Variants in ARHGAP45 observed in about 807,000 individuals in gnomAD.
The protein encoded by ARHGAP45 is Rho GTPase activating protein 45.
ARHGAP45 carries 56 observed loss-of-function variants against 116.1 expected under a neutral mutation model. The ratio of observed to expected loss-of-function variants is 0.48; its 90% CI spans 0.39 to 0.60. ARHGAP45 has a LOEUF of 0.60. Among genes scored for constraint, ARHGAP45 ranks in the 20% least tolerant of loss-of-function variants. The pLI is 0.00. For synonymous variants in ARHGAP45, 866 were observed against 701.7 expected (o/e 1.23, Z -3.70); for missense variants, 1,622 against 1,601.0 (o/e 1.01, Z -0.22).
At chr19:1,080,621 C>A (rs1318742758) in intron 15 of ARHGAP45, 61 bp from the exon 16 acceptor site, 8 of 1,593,762 alleles carry the variant, frequency 5.0e-6, no homozygotes, top group South Asian at 2.2e-5. Context: ...CATCACCCAC[C>A]GGGGTGATGG....
upstream of ARHGAP45, chr19:1,067,108 G>A (rs1024919660): frequency 9.5e-7 from 1 of 1,054,800 alleles, no homozygotes; most frequent in African/African-American, 1.7e-5. Flanking sequence ...TCCCGAAGGC[G>A]GAAGCGGGGG....
In ARHGAP45 at chr19:1,069,110, C is replaced by T. The variant is rs1157006076; in HGVS notation, c.421+366C>T. ...AGGATGAAGGCATGACAACGCCAGG[C>T]AGAAGGGCAATGGGGAGCCATAGAA... On this transcript the variant is annotated intron_variant, in intron 2 of 22. Coordinates refer to ENST00000313093, the MANE Select transcript of ARHGAP45 (RefSeq NM_012292.5). The surrounding 1 kb of genome is among the most constrained non-coding windows in gnomAD (Gnocchi z 4.1). 6.6e-6 allele frequency among the ~76,000 whole-genome samples: 1 copy of T among 151,892 alleles called. No individual in the cohort carries two copies. Among genetic ancestry groups the T allele is most frequent in the African/African-American group, 2.4e-5 (1 of 41,312 alleles).
At chr19:1,078,423 A>G (rs113607072) in intron 11 of ARHGAP45, among the ~76,000 whole-genome samples, 4,348 of 147,972 alleles carry the variant, frequency 0.029, 194 homozygotes, top group African/African-American at 0.1. Context: ...GATTATAGGC[A>G]TGAGCCACTG....
At chr19:1,083,658 C>T (rs978656969) in intron 21 of ARHGAP45, among the ~76,000 whole-genome samples, 2 of 152,206 alleles carry the variant, frequency 1.3e-5, no homozygotes, top group African/African-American at 2.4e-5. Flanking sequence ...GTGCTGCCTG[C>T]AGCCACAAGC....
At position 1,081,896 on chromosome 19, in the gene ARHGAP45, C is replaced by T. The variant is rs150731059; in HGVS notation, c.2452C>T (p.Leu818=). The T allele has an allele frequency of 1.8e-4, 289 of 1,613,054 alleles. No individual in the cohort carries two copies. The highest frequency in any genetic ancestry group is 2.4e-4 in the Non-Finnish European group (278 of 1,179,908). The change falls in exon 19 of 23, where the codon CTG becomes TTG. Residue 818 remains leucine (L), a synonymous_variant. Transcript: ENST00000313093. ...CCAGGCCTTCGAGAACGGCAAGGAGCTGGTCGAGCTGTCGCAGGCCTCGCC... is the reference window on the plus strand; with the variant it reads ...CCAGGCCTTCGAGAACGGCAAGGAGTTGGTCGAGCTGTCGCAGGCCTCGCC... ...LCQAFENGKE[L]VELSQASPHD... is the part of the protein sequence containing the mutation.
upstream of ARHGAP45, chr19:1,067,093 C>A (rs942154570): frequency 6.3e-6 from 6 of 953,438 alleles, no homozygotes; most frequent in Non-Finnish European, 7.7e-6. Context: ...GGCGCGGCTC[C>A]GAGCTCCCGA....
At position 1,075,028 on chromosome 19, in the gene ARHGAP45, C is replaced by A. The variant is rs918488567; in HGVS notation, c.1185+149C>A. 2.0e-4 allele frequency: 83 copies of A among 407,702 alleles called. 1 individual carries two copies. The African/African-American group carries it at 2.8e-3, about 14-fold the overall frequency. 25.3% of individuals were successfully genotyped at this position (407,702 alleles called of 1,614,324 possible). A position where few individuals can be genotyped will look rare whatever the true frequency, so the allele number is the denominator to read the frequency against. ...ATGCGCGGCCTCGCAGGCTGGGCCG[C>A]CCCCCCCAACGCCAAGCCGGGTCGG... On this transcript the variant is annotated intron_variant, in intron 10 of 22. Transcript: ENST00000313093.
Position 1,086,292 on chromosome 19 carries a change from A to C in ARHGAP45, c.*286A>C, listed in dbSNP as rs2043647655. The C allele has an allele frequency of 5.1e-6, 2 of 390,014 alleles. No homozygotes were observed. 24.2% of individuals were successfully genotyped at this position (390,014 alleles called of 1,614,324 possible). On this transcript the variant is annotated 3_prime_UTR_variant, in exon 23 of 23. Coordinates refer to ENST00000313093, the MANE Select transcript of ARHGAP45 (RefSeq NM_012292.5). ...TCACAGTGGCCTTGTTGGTGCCCACAGGGCTGTGTGGATGGAGGAAGCTGT... is the reference window on the plus strand; with the variant it reads ...TCACAGTGGCCTTGTTGGTGCCCACCGGGCTGTGTGGATGGAGGAAGCTGT...
chr19:1,078,857 C>G (rs1331258983), intron 11 of ARHGAP45, among the ~76,000 whole-genome samples: 1 of 151,860 alleles, frequency 6.6e-6, no homozygotes, highest in Non-Finnish European at 1.5e-5. Context: ...GCTGGGACCA[C>G]AGGCGTGTGC....
In ARHGAP45 at chr19:1,068,389, C is replaced by A; in HGVS notation, c.91-25C>A. 1.3e-6 allele frequency: 2 copies of A among 1,489,050 alleles called. No individual in the cohort carries two copies. Among genetic ancestry groups the A allele is most frequent in the Non-Finnish European group, 1.8e-6 (2 of 1,115,528 alleles). 92.2% of individuals were successfully genotyped at this position (1,489,050 alleles called of 1,614,324 possible). A position where few individuals can be genotyped will look rare whatever the true frequency, so the allele number is the denominator to read the frequency against. On this transcript the variant is annotated intron_variant, in intron 1 of 22. Transcript: ENST00000313093. The surrounding 1 kb of genome is among the most constrained non-coding windows in gnomAD (Gnocchi z 7.5). ...TGTCCAGGCCGGAAAATCCCTTTAA[C>A]GAGCTCCCCTCGGACCTGCCCAAGG...
At chr19:1,085,071 G>A in intron 22 of ARHGAP45, among the ~76,000 whole-genome samples, 1 of 152,142 alleles carries the variant, frequency 6.6e-6, no homozygotes, top group East Asian at 1.9e-4. Flanking sequence ...AAGAGAGAGA[G>A]ACTCTGTCTC....
Position 1,079,534 on chromosome 19 carries a change from TC to T in ARHGAP45, c.1375-168del, listed in dbSNP as rs1183010726. The stretch of plus-strand genomic sequence containing the variant: ...AAAAAAAAAAAAGATGGGGAGGGTC[TC>T]ACCATGTTGCTCAGGCTGGTCTCGA... On this transcript the variant is annotated intron_variant, in intron 11 of 22. Coordinates refer to ENST00000313093, the MANE Select transcript of ARHGAP45 (RefSeq NM_012292.5). Among the ~76,000 whole-genome samples, 7 of 146,328 alleles carry T rather than the reference TC, an allele frequency of 4.8e-5. No homozygotes were observed. The East Asian group carries it at 1.4e-3, about 29-fold the overall frequency.
In ARHGAP45 at chr19:1,074,792, G is replaced by A; in HGVS notation, c.1105-7G>A. The A allele has an allele frequency of 6.4e-7, 1 of 1,574,026 alleles. No individual in the cohort carries two copies. The highest frequency in any genetic ancestry group is 8.6e-7 in the Non-Finnish European group (1 of 1,159,048). On this transcript the variant is annotated splice_polypyrimidine_tract_variant and splice_region_variant and intron_variant, in intron 9 of 22. Coordinates refer to ENST00000313093, the MANE Select transcript of ARHGAP45 (RefSeq NM_012292.5). ...GGGGTACCCACTCACGGCCCGTCTC[G>A]CCCCAGCCCCTGACCCTGCGGCGGC...
At chr19:1,082,306 C>A (rs1338616297) in intron 19 of ARHGAP45, among the ~76,000 whole-genome samples, 1 of 148,370 alleles carries the variant, frequency 6.7e-6, no homozygotes, top group Non-Finnish European at 1.5e-5. Context: ...CTCGGTGGGG[C>A]GTGGCCAGAG....
At position 1,067,453 on chromosome 19, in the gene ARHGAP45, G is replaced by A. The variant is rs149152517; in HGVS notation, c.48G>A (p.Ser16=). The change falls in exon 1 of 23, where the codon TCG becomes TCA. Residue 16 remains serine (S), a synonymous_variant. Coordinates refer to ENST00000313093, the MANE Select transcript of ARHGAP45 (RefSeq NM_012292.5). The part of the protein sequence containing the change: ...KRELMKTPSI[S]KKNRAGSPSP... ...AGCTCATGAAAACCCCTTCCATCTC[G>A]AAAAAGAACCGCGCGGGAAGCCCCA... The A allele has an allele frequency of 1.7e-4, 273 of 1,605,440 alleles. No individual in the cohort carries two copies. The highest frequency in any genetic ancestry group is 7.8e-4 in the South Asian group (70 of 90,090).
At chr19:1,075,121 C>G (rs2043220376) in intron 10 of ARHGAP45, among the ~76,000 whole-genome samples, 1 of 152,040 alleles carries the variant, frequency 6.6e-6, no homozygotes, top group Admixed American at 6.6e-5. Flanking sequence ...TCACTGCTGT[C>G]CCTGCAGAAA....
chr19:1,086,137 C>T lies in ARHGAP45; in HGVS notation c.*131C>T, dbSNP rs576623567. On this transcript the variant is annotated 3_prime_UTR_variant, in exon 23 of 23. Transcript: ENST00000313093. ...GCTGCCGAGAGCGCCTGGACTTCGACGTCCCACCAGCGGGCGCCTCCTCCC... is the reference window on the plus strand; with the variant it reads ...GCTGCCGAGAGCGCCTGGACTTCGATGTCCCACCAGCGGGCGCCTCCTCCC... The T allele has an allele frequency of 3.1e-5, 25 of 809,490 alleles. No homozygotes were observed. Among genetic ancestry groups the T allele is most frequent in the East Asian group, 1.6e-4 (6 of 37,750 alleles). The allele number at this position is 809,490 out of a possible 1,614,324, so 50.1% of individuals were successfully genotyped here. A position where few individuals can be genotyped will look rare whatever the true frequency, so the allele number is the denominator to read the frequency against.
In ARHGAP45 at chr19:1,071,399, G is replaced by A; in HGVS notation, c.422-1750G>A. 3.4e-6 allele frequency: 4 copies of A among 1,159,940 alleles called. No individual in the cohort carries two copies. Among genetic ancestry groups the A allele is most frequent in the Admixed American group, 4.9e-5 (1 of 20,598 alleles). 71.9% of individuals were successfully genotyped at this position (1,159,940 alleles called of 1,614,324 possible). On this transcript the variant is annotated intron_variant, in intron 2 of 22. Transcript: ENST00000313093. The surrounding 1 kb of genome is among the most constrained non-coding windows in gnomAD (Gnocchi z 4.6). Reference sequence around the variant, plus strand: ...CCGGGCGCTGGGTCCCGCCGCGTCCGGGAGCACGTGGCGCTCGGGCCGTTT... The same window carrying A: ...CCGGGCGCTGGGTCCCGCCGCGTCCAGGAGCACGTGGCGCTCGGGCCGTTT...
At chr19:1,073,045 C>A in intron 2 of ARHGAP45, 104 bp from the exon 3 acceptor site, 1 of 1,365,706 alleles carries the variant, frequency 7.3e-7, no homozygotes. Context: ...ACCTCTGCCT[C>A]AGTTTCCCCA....
Sources: gnomAD v4.1 joint callset for allele counts (sites outside exome capture counted in the v4.1 genomes callset) on GRCh38, gnomAD v4.1.1 for gene constraint, Gnocchi (gnomAD v3.1) non-coding constraint, MANE v1.5 for transcripts, NCBI Gene and HGNC (gene_info 2026-07-23, HGNC 2026-07-21) for gene names.